ANK3: variants seen among roughly 807,000 people sequenced by gnomAD.
ANK3 encodes ankyrin-3.
ANK3 carries 57 observed loss-of-function variants against 370.9 expected under a neutral mutation model. The ratio of observed to expected loss-of-function variants is 0.15; its 90% CI spans 0.12 to 0.19. ANK3 has a LOEUF of 0.19. Among genes scored for constraint, ANK3 ranks in the 10% least tolerant of loss-of-function variants. ANK3 has a pLI of 1.00. For synonymous variants in ANK3, 1,929 were observed against 1,946.3 expected, an observed-to-expected ratio of 0.99 and a Z score of 0.23; for missense variants, 4,439 against 5,302.1, an observed-to-expected ratio of 0.84 and a Z score of 5.06.
intron 2 of ANK3, among the ~76,000 whole-genome samples, chr10:60,447,308 T>G (rs1394205621): frequency 6.6e-6 from 1 of 152,054 alleles, no homozygotes; most frequent in African/African-American, 2.4e-5. Flanking sequence ...AGAGTAGAGA[T>G]AAAGTATCCA....
At chr10:60,535,100 A>C (rs2076693201) in intron 2 of ANK3, among the ~76,000 whole-genome samples, 1 of 152,132 alleles carries the variant, frequency 6.6e-6, no homozygotes. Flanking sequence ...CTTTTTGTGA[A>C]ACTATTCAGC....
At chr10:60,256,936 G>A (rs915135132) in intron 7 of ANK3, among the ~76,000 whole-genome samples, 1 of 152,154 alleles carries the variant, frequency 6.6e-6, no homozygotes, top group Non-Finnish European at 1.5e-5. Context: ...ATGAACATGT[G>A]AACACGTATT....
At chr10:60,066,540 T>C (rs560221651) in intron 38 of ANK3, among the ~76,000 whole-genome samples, 3 of 77,538 alleles carry the variant, frequency 3.9e-5, no homozygotes, top group East Asian at 1.7e-3. Context: ...ATTAGCAGTA[T>C]ACCTGAGAGC....
At chr10:60,355,018 C>T (rs896461304) in intron 1 of ANK3, among the ~76,000 whole-genome samples, 7 of 152,166 alleles carry the variant, frequency 4.6e-5, no homozygotes, top group Non-Finnish European at 7.4e-5. Context: ...GGACAGCTTA[C>T]AAATTTATTT....
At chr10:60,691,082 T>C (rs2079345591) in intron 1 of ANK3, among the ~76,000 whole-genome samples, 1 of 152,178 alleles carries the variant, frequency 6.6e-6, no homozygotes. Context: ...TTTAGTGCTA[T>C]AGAGTCAATT....
At chr10:60,495,877 T>C (rs1253647731) in intron 2 of ANK3, among the ~76,000 whole-genome samples, 4 of 152,212 alleles carry the variant, frequency 2.6e-5, no homozygotes, top group African/African-American at 4.8e-5. Context: ...AATAATTAAC[T>C]TGTCTTTGCA....
intron 1 of ANK3, chr10:60,733,200 C>T (rs1034213108): frequency 6.5e-5 from 80 of 1,226,346 alleles, no homozygotes; most frequent in Non-Finnish European, 7.2e-5. Context: ...CTCCCGCCCG[C>T]CCGGGTCCCC....
At chr10:60,412,448 C>T (rs764315536) in intron 2 of ANK3, among the ~76,000 whole-genome samples, 1 of 152,144 alleles carries the variant, frequency 6.6e-6, no homozygotes, top group Non-Finnish European at 1.5e-5. Context: ...CTCAGGCCTT[C>T]GGACTGGGAC....
Position 60,073,191 on chromosome 10 carries a change from A to T in ANK3, c.7690T>A (p.Leu2564Ile). The T allele has an allele frequency of 6.2e-7, 1 of 1,614,032 alleles. No homozygotes were observed. Among genetic ancestry groups the T allele is most frequent in the African/African-American group, 1.3e-5 (1 of 74,988 alleles). The change falls in exon 37 of 44, where the codon TTA becomes ATA. Residue 2564 changes from leucine to isoleucine, a missense_variant. This residue lies in a region of ANK3 where 1,601 missense variants were observed against 1,731.7 expected (regional missense o/e 0.92). Coordinates refer to ENST00000280772, the MANE Select transcript of ANK3 (RefSeq NM_020987.5). ...ATCAACTTCTCTCTACCTCTGTCTA[A>T]TCTGTCCTCAGTAAAGCGCATCCAC... is the stretch of plus-strand genomic sequence containing the variant. ...AMWMRFTEDR[L>I]DRGREKLIYE...
intron 13 of ANK3, among the ~76,000 whole-genome samples, chr10:60,199,444 A>G (rs180875254): frequency 6.6e-6 from 1 of 152,226 alleles, no homozygotes; most frequent in African/African-American, 2.4e-5. Context: ...TGAAAGCAGA[A>G]ACGAATAGGT....
At chr10:60,134,423 G>A (rs1163869214) in intron 24 of ANK3, 50 bp from the exon 25 acceptor site, 3 of 1,418,908 alleles carry the variant, frequency 2.1e-6, no homozygotes, top group Admixed American at 2.2e-5. Context: ...ATGATGAGAT[G>A]AATAAAAAAA....
intron 1 of ANK3, among the ~76,000 whole-genome samples, chr10:60,623,620 A>C (rs566882519): frequency 1.1e-4 from 17 of 152,340 alleles, no homozygotes; most frequent in African/African-American, 4.1e-4. Flanking sequence ...GTTGAGCAGG[A>C]AAGTGACAAT....
intron 1 of ANK3, among the ~76,000 whole-genome samples, chr10:60,718,542 T>C (rs1005014656): frequency 6.6e-6 from 1 of 152,062 alleles, no homozygotes; most frequent in Non-Finnish European, 1.5e-5. Context: ...AAAAAAAGTA[T>C]TCTTAATTTT....
chr10:60,685,764 A>G (rs2133396007), intron 1 of ANK3, among the ~76,000 whole-genome samples: 1 of 152,332 alleles, frequency 6.6e-6, no homozygotes, highest in East Asian at 1.9e-4. Flanking sequence ...CCATAAGATG[A>G]TAGTTGGAAC....
At chr10:60,098,285 CAA>C (rs1304177095) in intron 28 of ANK3, among the ~76,000 whole-genome samples, 1 of 152,086 alleles carries the variant, frequency 6.6e-6, no homozygotes, top group African/African-American at 2.4e-5. Flanking sequence ...AGAAAATACA[CAA>C]GTTATATTTT....
chr10:60,308,474 C>T (rs1224869913), intron 1 of ANK3, among the ~76,000 whole-genome samples: 1 of 151,914 alleles, frequency 6.6e-6, no homozygotes, highest in African/African-American at 2.4e-5. Context: ...TGGGGTTTCA[C>T]CAGGTTGGCA....
intron 2 of ANK3, among the ~76,000 whole-genome samples, chr10:60,512,652 T>C (rs1311108268): frequency 1.3e-5 from 2 of 152,154 alleles, no homozygotes; most frequent in Non-Finnish European, 2.9e-5. Flanking sequence ...AGATGATTCT[T>C]TCAAAACCTT....
At chr10:60,504,473 A>G (rs148344133) in intron 2 of ANK3, among the ~76,000 whole-genome samples, 1 of 152,284 alleles carries the variant, frequency 6.6e-6, no homozygotes, top group East Asian at 1.9e-4. Flanking sequence ...TTGGGTAGGA[A>G]AAGGCTTTTT....
intron 7 of ANK3, among the ~76,000 whole-genome samples, chr10:60,259,735 A>C (rs2097778718): frequency 6.6e-6 from 1 of 152,216 alleles, no homozygotes; most frequent in African/African-American, 2.4e-5. Flanking sequence ...GACAAACTTC[A>C]AACACCACCC....
Sources: gnomAD v4.1 joint callset for allele counts (sites outside exome capture counted in the v4.1 genomes callset) on GRCh38, gnomAD v4.1.1 for gene constraint, gnomAD v4.1.1 regional missense constraint, MANE v1.5 for transcripts, NCBI Gene and HGNC (gene_info 2026-07-23, HGNC 2026-07-21) for gene names.